Variants in SAMMSON observed in about 807,000 individuals in gnomAD.
SAMMSON encodes the protein survival associated mitochondrial melanoma specific oncogenic non-coding RNA.
intron 4 of SAMMSON, among the ~76,000 whole-genome samples, chr3:70,198,619 C>T (rs1403289624): frequency 6.6e-6 from 1 of 152,102 alleles, no homozygotes; most frequent in Non-Finnish European, 1.5e-5. Context: ...TCTTACCTTC[C>T]CTTCCTTTCT....
intron 4 of SAMMSON, among the ~76,000 whole-genome samples, chr3:70,215,350 G>C (rs1260863393): frequency 1.3e-5 from 2 of 152,060 alleles, no homozygotes; most frequent in African/African-American, 4.8e-5. Context: ...CAGAAACGAA[G>C]CACTCTGATA....
At chr3:70,016,466 A>T (rs1283416908) in intron 3 of SAMMSON, among the ~76,000 whole-genome samples, 1 of 151,998 alleles carries the variant, frequency 6.6e-6, no homozygotes, top group African/African-American at 2.4e-5. Flanking sequence ...GTTTGAGTTC[A>T]TTGTAGATTC....
intron 6 of SAMMSON, among the ~76,000 whole-genome samples, chr3:70,284,223 G>A (rs898904464): frequency 3.3e-5 from 5 of 152,120 alleles, no homozygotes; most frequent in African/African-American, 4.8e-5. Context: ...ACCAAGAAAT[G>A]TGTTAATAGT....
At chr3:70,368,186 C>T (rs1702936030) in intron 9 of SAMMSON, among the ~76,000 whole-genome samples, 1 of 151,412 alleles carries the variant, frequency 6.6e-6, no homozygotes, top group Admixed American at 6.6e-5. Flanking sequence ...AACTCATCCT[C>T]AAATTCAAAG....
At chr3:70,265,628 G>C (rs77335725) in intron 6 of SAMMSON, among the ~76,000 whole-genome samples, 6,375 of 152,228 alleles carry the variant, frequency 0.042, 257 homozygotes, top group East Asian at 0.15. Flanking sequence ...AGCAGATAAG[G>C]GACATTTTCT....
chr3:70,094,530 C>T (rs1369516895), intron 4 of SAMMSON: 1 of 152,260 alleles, frequency 6.6e-6, no homozygotes, highest in East Asian at 1.9e-4. Flanking sequence ...GTCTCAGTCC[C>T]ACCCTGAATG....
intron 4 of SAMMSON, among the ~76,000 whole-genome samples, chr3:70,080,778 A>G (rs752474768): frequency 6.6e-6 from 1 of 151,578 alleles, no homozygotes; most frequent in African/African-American, 2.4e-5. Context: ...ACTTGAATAG[A>G]TTGACAAATG....
At chr3:70,317,825 A>G (rs1053783779) in intron 7 of SAMMSON, among the ~76,000 whole-genome samples, 2 of 151,814 alleles carry the variant, frequency 1.3e-5, no homozygotes, top group African/African-American at 4.8e-5. Context: ...ACTTCTTGAA[A>G]TGTGGATATC....
At chr3:70,137,633 C>G (rs2067511346) in intron 4 of SAMMSON, 1 of 152,186 alleles carries the variant, frequency 6.6e-6, no homozygotes, top group South Asian at 2.1e-4. Flanking sequence ...CTTACACTGT[C>G]CAATGGAAAT....
chr3:70,395,192 C>T (rs1173435279), intron 2 of SAMMSON, among the ~76,000 whole-genome samples: 1 of 152,128 alleles, frequency 6.6e-6, no homozygotes. Flanking sequence ...TTTTGAGCCT[C>T]TCTAATCCTG....
chr3:70,384,123 A>G (rs1376020871), intron 9 of SAMMSON, among the ~76,000 whole-genome samples: 1 of 152,082 alleles, frequency 6.6e-6, no homozygotes. Flanking sequence ...AAATTTGGAA[A>G]AAATAATCTA....
chr3:70,114,424 A>T (rs544232535), intron 4 of SAMMSON, among the ~76,000 whole-genome samples: 2 of 152,240 alleles, frequency 1.3e-5, no homozygotes, highest in Non-Finnish European at 2.9e-5. Flanking sequence ...ATAAATCAAC[A>T]TTGAAAGTGA....
intron 3 of SAMMSON, among the ~76,000 whole-genome samples, chr3:70,047,810 G>A (rs563219747): frequency 4.5e-4 from 68 of 152,140 alleles, no homozygotes; most frequent in African/African-American, 1.5e-3. Context: ...AAAGCGGAAG[G>A]GCAAGAGAGC....
At chr3:70,350,173 C>G (rs1266023291) in intron 7 of SAMMSON, among the ~76,000 whole-genome samples, 2 of 152,058 alleles carry the variant, frequency 1.3e-5, no homozygotes, top group East Asian at 3.9e-4. Context: ...ACTAAAATCT[C>G]CAGAATGCAA....
chr3:70,427,769 CT>C, intron 2 of SAMMSON, among the ~76,000 whole-genome samples: 1 of 150,820 alleles, frequency 6.6e-6, no homozygotes, highest in South Asian at 2.1e-4. Context: ...TCCAAAAGAT[CT>C]CTCTAATTAG....
At chr3:70,277,753 G>T (rs1222882909) in intron 6 of SAMMSON, among the ~76,000 whole-genome samples, 1 of 152,108 alleles carries the variant, frequency 6.6e-6, no homozygotes, top group Non-Finnish European at 1.5e-5. Flanking sequence ...GGGTGTGCTT[G>T]AGGATGGGTG....
intron 6 of SAMMSON, among the ~76,000 whole-genome samples, chr3:70,256,355 A>T (rs1701816215): frequency 6.6e-6 from 1 of 152,202 alleles, no homozygotes. Context: ...CTTCCCTATG[A>T]TGATCTATTA....
At chr3:70,068,847 G>C (rs1337070548) in intron 3 of SAMMSON, 1 of 152,058 alleles carries the variant, frequency 6.6e-6, no homozygotes, top group Non-Finnish European at 1.5e-5. Context: ...ATTATGGAGA[G>C]GCCCCTTTAT....
chr3:70,310,660 C>A (rs1241651286), intron 7 of SAMMSON, among the ~76,000 whole-genome samples: 1 of 152,026 alleles, frequency 6.6e-6, no homozygotes, highest in Non-Finnish European at 1.5e-5. Context: ...GCCACTGCAC[C>A]CGGCCATAGG....
Sources: gnomAD v4.1 joint callset for allele counts (sites outside exome capture counted in the v4.1 genomes callset) on GRCh38, gnomAD v4.1.1 for gene constraint, MANE v1.5 for transcripts, NCBI Gene and HGNC (gene_info 2026-07-23, HGNC 2026-07-21) for gene names.